The following PCDH15 variants were observed in gnomAD, a reference collection of about 807,000 sequenced individuals.
PCDH15 encodes protocadherin-15.
Under a neutral mutation model 178.5 loss-of-function variants are expected in PCDH15, and 129 were observed. The ratio of observed to expected loss-of-function variants is 0.72; its 90% CI spans 0.63 to 0.84. The LOEUF (loss-of-function observed/expected upper bound fraction) is 0.84, where lower values mean the gene tolerates loss of function less well. Among genes scored for constraint, PCDH15 ranks in the 40% least tolerant of loss-of-function variants. The probability of loss-of-function intolerance (pLI) is 0.00; values close to 1 mark genes in which losing one functional copy is unlikely to be tolerated. For missense variants in PCDH15, 2,230 were observed against 2,099.9 expected (o/e 1.06, Z -1.21); for synonymous variants, 800 against 732.0 (o/e 1.09, Z -1.50).
intron 2 of PCDH15, among the ~76,000 whole-genome samples, chr10:54,950,154 A>T (rs1408247359): frequency 6.6e-6 from 1 of 152,030 alleles, no homozygotes; most frequent in Non-Finnish European, 1.5e-5. Context: ...GGTAATTTAT[A>T]AAGAAAAGAG....
At chr10:54,230,758 C>G (rs2053970388) in intron 9 of PCDH15, among the ~76,000 whole-genome samples, 1 of 151,984 alleles carries the variant, frequency 6.6e-6, no homozygotes, top group African/African-American at 2.4e-5. Context: ...TATAATCATA[C>G]TTTGAAAAAT....
chr10:55,582,307 A>G (rs1842630438), intron 2 of PCDH15, among the ~76,000 whole-genome samples: 1 of 152,148 alleles, frequency 6.6e-6, no homozygotes, highest in Non-Finnish European at 1.5e-5. Context: ...AAAAGTGCTG[A>G]GAAAATAATC....
intron 37 of PCDH15, chr10:53,807,979 G>A (rs1482948811): frequency 6.6e-6 from 1 of 151,970 alleles, no homozygotes; most frequent in Non-Finnish European, 1.5e-5. Flanking sequence ...TCAACACATT[G>A]CATGCATTCT....
At chr10:55,357,082 G>C (rs1845098583) in intron 2 of PCDH15, among the ~76,000 whole-genome samples, 1 of 151,894 alleles carries the variant, frequency 6.6e-6, no homozygotes, top group Non-Finnish European at 1.5e-5. Flanking sequence ...GTGAGCAAGA[G>C]TACATAGCAA....
intron 20 of PCDH15, among the ~76,000 whole-genome samples, chr10:54,010,218 A>G (rs893182246): frequency 6.0e-5 from 9 of 150,386 alleles, no homozygotes; most frequent in African/African-American, 2.2e-4. Flanking sequence ...ACTAATGCCG[A>G]CCCCCAACAC....
chr10:54,699,761 T>C (rs537264946), intron 1 of PCDH15, among the ~76,000 whole-genome samples: 1 of 152,158 alleles, frequency 6.6e-6, no homozygotes, highest in Admixed American at 6.6e-5. Context: ...TAATAACATA[T>C]TTAGAATGTT....
chr10:55,527,083 T>A (rs1841316974), intron 2 of PCDH15, among the ~76,000 whole-genome samples: 1 of 151,990 alleles, frequency 6.6e-6, no homozygotes, highest in Non-Finnish European at 1.5e-5. Context: ...AGATGGAAAT[T>A]TTTTCCTACC....
intron 3 of PCDH15, among the ~76,000 whole-genome samples, chr10:54,513,365 A>T (rs1461865735): frequency 6.6e-6 from 1 of 151,776 alleles, no homozygotes; most frequent in African/African-American, 2.4e-5. Context: ...GGTTTAAGTG[A>T]TTCTCATGCC....
intron 1 of PCDH15, among the ~76,000 whole-genome samples, chr10:55,302,372 C>T (rs760261166): frequency 7.2e-5 from 11 of 151,944 alleles, no homozygotes; most frequent in Non-Finnish European, 1.5e-4. Context: ...ATATTCATTA[C>T]TAATATACAT....
intron 8 of PCDH15, among the ~76,000 whole-genome samples, chr10:54,307,102 G>GTATATA (rs2060582869): frequency 8.5e-5 from 1 of 11,736 alleles, no homozygotes; most frequent in Non-Finnish European, 1.4e-4. Flanking sequence ...ATGTGTGTGT[G>GTATATA]TGTATATATA....
At chr10:54,980,358 C>T (rs1195409020) in intron 2 of PCDH15, among the ~76,000 whole-genome samples, 1 of 151,948 alleles carries the variant, frequency 6.6e-6, no homozygotes, top group Non-Finnish European at 1.5e-5. Flanking sequence ...AGTAAATACT[C>T]TTTTTTTAAT....
At chr10:54,307,683 T>C (rs887311874) in intron 8 of PCDH15, among the ~76,000 whole-genome samples, 57 of 151,990 alleles carry the variant, frequency 3.8e-4, no homozygotes, top group African/African-American at 1.3e-3. Context: ...ACTCTGTTTA[T>C]TTAAAAAGAT....
At chr10:53,844,043 G>T (rs1370264318) in intron 28 of PCDH15, among the ~76,000 whole-genome samples, 1 of 151,600 alleles carries the variant, frequency 6.6e-6, no homozygotes, top group Non-Finnish European at 1.5e-5. Context: ...AAACTTTAGG[G>T]AACAATGTGT....
Position 54,126,191 on chromosome 10 carries a change from C to T in PCDH15, c.1917+6684G>A, listed in dbSNP as rs566907017. On this transcript the variant is annotated intron_variant, in intron 15 of 37. Coordinates refer to ENST00000644397, the MANE Select transcript of PCDH15 (RefSeq NM_001384140.1). Reference sequence around the variant, plus strand: ...GTGCAACTGATTCTCCTGCCTTTGCCTCCCAAGTATCTGGGATTACAAGCA... The same window carrying T: ...GTGCAACTGATTCTCCTGCCTTTGCTTCCCAAGTATCTGGGATTACAAGCA... Among the ~76,000 whole-genome samples, 4 of 151,972 alleles carry T rather than the reference C, an allele frequency of 2.6e-5. No homozygotes were observed. In the East Asian group the frequency reaches 7.8e-4, roughly 30 times the overall value.
intron 1 of PCDH15, among the ~76,000 whole-genome samples, chr10:55,257,875 C>A (rs1483345692): frequency 2.0e-5 from 3 of 152,068 alleles, no homozygotes; most frequent in East Asian, 1.9e-4. Context: ...ACAGAGAATG[C>A]CACAAAGACA....
At chr10:55,053,430 C>T (rs117302606) in intron 2 of PCDH15, among the ~76,000 whole-genome samples, 5,478 of 152,262 alleles carry the variant, frequency 0.036, 132 homozygotes, top group Non-Finnish European at 0.055. Context: ...AAATCACTCT[C>T]TTGTTCAAAG....
intron 3 of PCDH15, among the ~76,000 whole-genome samples, chr10:54,416,079 T>C (rs2135724007): frequency 6.6e-6 from 1 of 152,218 alleles, no homozygotes; most frequent in East Asian, 1.9e-4. Context: ...TTCTCCCACC[T>C]CAGCCTCCAG....
At chr10:53,882,169 G>C (rs1434796154) in intron 26 of PCDH15, among the ~76,000 whole-genome samples, 1 of 151,812 alleles carries the variant, frequency 6.6e-6, no homozygotes, top group Non-Finnish European at 1.5e-5. Context: ...GGCAGGGCTT[G>C]CATGTCTGTG....
intron 2 of PCDH15, among the ~76,000 whole-genome samples, chr10:55,591,298 A>G (rs1196207714): frequency 6.6e-6 from 1 of 151,972 alleles, no homozygotes; most frequent in Non-Finnish European, 1.5e-5. Context: ...AGCCAAGCAT[A>G]ATGGTGTGCA....
Sources: allele counts gnomAD v4.1 joint callset (sites outside exome capture counted in the v4.1 genomes callset), GRCh38; gene constraint gnomAD v4.1.1; transcripts MANE v1.5; gene names NCBI Gene and HGNC (gene_info 2026-07-23, HGNC 2026-07-21).